The following MACROD2 variants were observed in gnomAD, a reference collection of about 807,000 sequenced individuals.
MACROD2 encodes ADP-ribose glycohydrolase MACROD2.
In MACROD2, 36 loss-of-function variants were observed where a neutral mutation model predicts 70.4. That is an observed-to-expected ratio of 0.51 (90% CI 0.39 to 0.68). The LOEUF is 0.68. MACROD2 is among the 30% of genes least tolerant of loss of function. The probability of loss-of-function intolerance (pLI) is 0.00; values close to 1 mark genes in which losing one functional copy is unlikely to be tolerated. For missense variants in MACROD2, 496 were observed against 538.4 expected (o/e 0.92, Z 0.78); for synonymous variants, 172 against 178.8 (o/e 0.96, Z 0.30).
intron 4 of MACROD2, among the ~76,000 whole-genome samples, chr20:14,652,070 T>A (rs139601304): frequency 4.4e-4 from 67 of 152,320 alleles, no homozygotes; most frequent in African/African-American, 1.5e-3. Context: ...GGCAAAGAGA[T>A]ACCCAACTAG....
At chr20:15,808,527 T>G (rs1186976380) in intron 8 of MACROD2, among the ~76,000 whole-genome samples, 3 of 152,204 alleles carry the variant, frequency 2.0e-5, no homozygotes, top group Non-Finnish European at 4.4e-5. Context: ...ATTATGAAAA[T>G]TCATATATTT....
chr20:15,708,508 G>A (rs2050571652), intron 8 of MACROD2, among the ~76,000 whole-genome samples: 2 of 152,122 alleles, frequency 1.3e-5, no homozygotes, highest in South Asian at 4.2e-4. Context: ...AAGTCAGGGA[G>A]GCGGAAACAG....
At chr20:14,319,812 C>T (rs773291016) in intron 3 of MACROD2, among the ~76,000 whole-genome samples, 3 of 151,998 alleles carry the variant, frequency 2.0e-5, no homozygotes, top group Admixed American at 2.0e-4. Flanking sequence ...GATGTGGATT[C>T]TTCTTCTTCC....
chr20:15,453,912 A>T (rs1021693711), intron 7 of MACROD2, among the ~76,000 whole-genome samples: 1 of 152,136 alleles, frequency 6.6e-6, no homozygotes, highest in Non-Finnish European at 1.5e-5. Flanking sequence ...GTCTCTAGGC[A>T]GCTGTGAGAT....
intron 3 of MACROD2, among the ~76,000 whole-genome samples, chr20:14,101,371 A>T (rs969720683): frequency 3.3e-5 from 5 of 152,102 alleles, no homozygotes; most frequent in African/African-American, 1.2e-4. Flanking sequence ...TTATAATCTA[A>T]GCCCCTGAGT....
chr20:15,727,155 T>G lies in MACROD2; in HGVS notation c.646-135590T>G, dbSNP rs186132631. ...AGGAAGGAGTTCAGTTTCAATCTTC[T>G]GCATGTGGCTAGCCAGTTATCCCAG... On this transcript the variant is annotated intron_variant, in intron 8 of 17. Coordinates refer to ENST00000684519, the MANE Select transcript of MACROD2 (RefSeq NM_001351661.2). Among the ~76,000 whole-genome samples the G allele has an allele frequency of 2.5e-3, 378 of 152,288 alleles. 1 individual carries two copies. The highest frequency in any genetic ancestry group is 8.4e-3 in the African/African-American group (349 of 41,588).
At chr20:14,199,407 A>G (rs184701891) in intron 3 of MACROD2, among the ~76,000 whole-genome samples, 1 of 152,380 alleles carries the variant, frequency 6.6e-6, no homozygotes, top group Non-Finnish European at 1.5e-5. Flanking sequence ...ACAGCTGCAT[A>G]GTTAACAATC....
intron 8 of MACROD2, among the ~76,000 whole-genome samples, chr20:15,806,120 T>G (rs2063767091): frequency 6.6e-6 from 1 of 152,318 alleles, no homozygotes; most frequent in Admixed American, 6.5e-5. Context: ...CATATAAAAT[T>G]ACTTATCTCT....
Position 14,350,749 on chromosome 20 carries a change from C to T in MACROD2, c.272-142730C>T, listed in dbSNP as rs204618. 9.6e-3 allele frequency among the ~76,000 whole-genome samples: 1,455 copies of T among 152,196 alleles called. 22 individuals carry two copies. The highest frequency in any genetic ancestry group is 0.033 in the African/African-American group (1,384 of 41,512). The stretch of plus-strand genomic sequence containing the variant: ...GATTGTTTCCTTTGCTGTGCAGAAA[C>T]TTTTTAACTTGATGTGATCCCATTT... On this transcript the variant is annotated intron_variant, in intron 3 of 17. Coordinates refer to ENST00000684519, the MANE Select transcript of MACROD2 (RefSeq NM_001351661.2).
chr20:15,684,088 C>A (rs185579756), intron 8 of MACROD2, among the ~76,000 whole-genome samples: 2 of 152,214 alleles, frequency 1.3e-5, no homozygotes, highest in South Asian at 2.1e-4. Flanking sequence ...GTGTTTAAAT[C>A]GCTTTCCTCA....
At chr20:14,617,423 CAT>C (rs1469236219) in intron 4 of MACROD2, among the ~76,000 whole-genome samples, 1 of 152,086 alleles carries the variant, frequency 6.6e-6, no homozygotes, top group Non-Finnish European at 1.5e-5. Flanking sequence ...ATCTTTAAAA[CAT>C]ATTCTGCTCT....
chr20:14,861,091 A>G (rs12624651), intron 5 of MACROD2, among the ~76,000 whole-genome samples: 50,456 of 151,992 alleles, frequency 0.33, 9,261 homozygotes, highest in Non-Finnish European at 0.41. Flanking sequence ...AATTTACCCC[A>G]CATGGTTACA....
intron 5 of MACROD2, among the ~76,000 whole-genome samples, chr20:14,752,513 T>A (rs1041270743): frequency 6.6e-6 from 1 of 152,104 alleles, no homozygotes; most frequent in Non-Finnish European, 1.5e-5. Context: ...TCCACCATTC[T>A]CTCTCACCTG....
chr20:15,425,362 T>C (rs370795308), intron 6 of MACROD2, among the ~76,000 whole-genome samples: 15 of 152,368 alleles, frequency 9.8e-5, no homozygotes, highest in African/African-American at 3.6e-4. Flanking sequence ...TAAGAAAGCA[T>C]GTGTTATATT....
intron 6 of MACROD2, among the ~76,000 whole-genome samples, chr20:15,341,652 A>G (rs988777160): frequency 1.3e-5 from 2 of 152,260 alleles, no homozygotes; most frequent in African/African-American, 4.8e-5. Flanking sequence ...TCAACATGCA[A>G]AAGCATACAC....
At chr20:15,596,388 T>A (rs1341422728) in intron 8 of MACROD2, among the ~76,000 whole-genome samples, 1 of 152,180 alleles carries the variant, frequency 6.6e-6, no homozygotes, top group Non-Finnish European at 1.5e-5. Context: ...AAGTACATCA[T>A]TCCACATGTT....
intron 5 of MACROD2, among the ~76,000 whole-genome samples, chr20:15,063,541 C>T (rs908202737): frequency 2.6e-5 from 4 of 152,166 alleles, no homozygotes; most frequent in African/African-American, 9.7e-5. Flanking sequence ...TGACGTTCCT[C>T]TGGGTACATC....
chr20:14,185,014 G>T (rs1195076708), intron 3 of MACROD2, among the ~76,000 whole-genome samples: 1 of 152,074 alleles, frequency 6.6e-6, no homozygotes, highest in African/African-American at 2.4e-5. Flanking sequence ...TAAGCTTCAT[G>T]AATATAGACA....
chr20:14,067,176 T>A (rs1601181428), intron 2 of MACROD2, among the ~76,000 whole-genome samples: 2 of 131,262 alleles, frequency 1.5e-5, no homozygotes, highest in Admixed American at 1.8e-4. Context: ...CAGGCTGGGG[T>A]GCAGTGGTGC....
Sources: gnomAD v4.1 joint callset for allele counts (sites outside exome capture counted in the v4.1 genomes callset) on GRCh38, gnomAD v4.1.1 for gene constraint, MANE v1.5 for transcripts, NCBI Gene and HGNC (gene_info 2026-07-23, HGNC 2026-07-21) for gene names.